APBB2: variants seen among roughly 807,000 people sequenced by gnomAD.
APBB2 encodes the protein Fe65-like 1.
APBB2 carries 38 observed loss-of-function variants against 82.5 expected under a neutral mutation model. The observed-to-expected ratio is 0.46, with a 90% confidence interval of 0.36 to 0.60. APBB2 has a LOEUF of 0.60. Ranked by LOEUF, APBB2 falls within the 20% of genes least tolerant of loss-of-function variation. The probability of loss-of-function intolerance (pLI) is 0.00; values close to 1 mark genes in which losing one functional copy is unlikely to be tolerated. For synonymous variants in APBB2, 341 were observed against 368.2 expected, an observed-to-expected ratio of 0.93 and a Z score of 0.85; for missense variants, 772 against 972.3, an observed-to-expected ratio of 0.79 and a Z score of 2.74.
At chr4:40,958,410 T>C (rs1792234977) in intron 6 of APBB2, among the ~76,000 whole-genome samples, 1 of 152,304 alleles carries the variant, frequency 6.6e-6, no homozygotes, top group Non-Finnish European at 1.5e-5. Context: ...TGAGTGAAGA[T>C]TTGTATTTTA....
chr4:41,080,718 T>TA (rs1036027002), intron 3 of APBB2, among the ~76,000 whole-genome samples: 3 of 149,084 alleles, frequency 2.0e-5, no homozygotes, highest in African/African-American at 5.0e-5. Flanking sequence ...TTTTTTTTTT[T>TA]AAAGATGTTG....
At chr4:41,149,300 T>A (rs577926696) in intron 1 of APBB2, among the ~76,000 whole-genome samples, 1 of 152,276 alleles carries the variant, frequency 6.6e-6, no homozygotes, top group East Asian at 1.9e-4. Flanking sequence ...AATTAAATTA[T>A]TTTAGAAACT....
intron 6 of APBB2, among the ~76,000 whole-genome samples, chr4:40,950,238 G>A (rs1789724535): frequency 1.3e-5 from 2 of 152,208 alleles, no homozygotes; most frequent in South Asian, 2.1e-4. Context: ...ACTACTGCTC[G>A]TAGAAGGGTA....
At chr4:41,010,809 T>G (rs999625270) in intron 6 of APBB2, among the ~76,000 whole-genome samples, 1 of 152,238 alleles carries the variant, frequency 6.6e-6, no homozygotes, top group Non-Finnish European at 1.5e-5. Flanking sequence ...TAAAACAATC[T>G]AATTGGAGTA....
At chr4:41,061,838 A>G (rs1173198678) in intron 4 of APBB2, among the ~76,000 whole-genome samples, 1 of 152,270 alleles carries the variant, frequency 6.6e-6, no homozygotes, top group Non-Finnish European at 1.5e-5. Flanking sequence ...AAGAAAATTA[A>G]AACTCCAGTC....
chr4:41,150,787 C>A (rs1230594694), intron 1 of APBB2, among the ~76,000 whole-genome samples: 1 of 152,196 alleles, frequency 6.6e-6, no homozygotes, highest in East Asian at 1.9e-4. Flanking sequence ...GTTGTCCAGG[C>A]TGGAGTGCAA....
At chr4:40,852,176 C>T (rs941722410) in intron 12 of APBB2, among the ~76,000 whole-genome samples, 5 of 151,376 alleles carry the variant, frequency 3.3e-5, no homozygotes, top group African/African-American at 9.7e-5. Context: ...ATAGTGAAAC[C>T]CCGTCTCTAC....
chr4:41,160,007 A>G (rs1223628183), intron 1 of APBB2, among the ~76,000 whole-genome samples: 2 of 150,226 alleles, frequency 1.3e-5, no homozygotes, highest in Non-Finnish European at 3.0e-5. Flanking sequence ...AAGAAGAAGA[A>G]GAAGAAGAAG....
chr4:41,169,034 A>C (rs1767507443), intron 1 of APBB2, among the ~76,000 whole-genome samples: 1 of 151,948 alleles, frequency 6.6e-6, no homozygotes, highest in African/African-American at 2.4e-5. Flanking sequence ...AAAATACAAA[A>C]ATTAGCTGGG....
intron 1 of APBB2, among the ~76,000 whole-genome samples, chr4:41,165,972 C>A (rs1005567494): frequency 2.7e-5 from 4 of 150,018 alleles, no homozygotes; most frequent in African/African-American, 9.8e-5. Context: ...CTCCCGGGTT[C>A]ACGCCATTCT....
At chr4:41,032,516 TTCTG>T (rs1455827949) in intron 5 of APBB2, among the ~76,000 whole-genome samples, 2 of 150,606 alleles carry the variant, frequency 1.3e-5, no homozygotes, top group African/African-American at 4.9e-5. Context: ...CGGGGGGGGT[TTCTG>T]TCTAAGCAAA....
At position 40,810,634 on chromosome 4, in the gene APBB2, TA is replaced by T. The variant is rs1249672503; in HGVS notation, c.*5457del. On this transcript the variant is annotated 3_prime_UTR_variant, in exon 18 of 18. Transcript: ENST00000508593. The stretch of plus-strand genomic sequence containing the variant: ...TGAAGAAAGGAAACAAGACTTTTTA[TA>T]GTTGAACCAGGCTTATTGTATTTTA... The T allele has an allele frequency of 1.3e-5, 2 of 149,976 alleles. No individual in the cohort carries two copies. The highest frequency in any genetic ancestry group is 4.9e-5 in the African/African-American group (2 of 40,666). The allele number at this position is 149,976 out of a possible 1,614,324, so 9.3% of individuals were successfully genotyped here. A position where few individuals can be genotyped will look rare whatever the true frequency, so the allele number is the denominator to read the frequency against.
At chr4:41,202,499 G>A (rs933911369) in intron 1 of APBB2, among the ~76,000 whole-genome samples, 18 of 152,054 alleles carry the variant, frequency 1.2e-4, no homozygotes, top group Admixed American at 5.2e-4. Context: ...GGATGCTTGG[G>A]AAGGAGGAAG....
At chr4:41,059,173 A>T (rs181294224) in intron 4 of APBB2, among the ~76,000 whole-genome samples, 3 of 152,274 alleles carry the variant, frequency 2.0e-5, no homozygotes, top group Non-Finnish European at 4.4e-5. Context: ...GAAAACAATA[A>T]CATTAGGCTG....
At chr4:41,009,488 G>GT (rs1462103749) in intron 6 of APBB2, among the ~76,000 whole-genome samples, 1 of 152,174 alleles carries the variant, frequency 6.6e-6, no homozygotes, top group Non-Finnish European at 1.5e-5. Context: ...GGGCGATTCA[G>GT]TAGTAAAGGA....
At chr4:41,199,157 G>T (rs989172917) in intron 1 of APBB2, among the ~76,000 whole-genome samples, 13 of 100,924 alleles carry the variant, frequency 1.3e-4, no homozygotes, top group African/African-American at 5.9e-4. Flanking sequence ...TTATATTTTT[G>T]GGGGGGACAC....
chr4:41,182,309 T>C (rs1305220085), intron 1 of APBB2, among the ~76,000 whole-genome samples: 10 of 152,222 alleles, frequency 6.6e-5, no homozygotes, highest in Non-Finnish European at 1.3e-4. Flanking sequence ...AATGGTCAAT[T>C]TGAACCTTCA....
intron 12 of APBB2, among the ~76,000 whole-genome samples, chr4:40,872,959 G>A (rs1170397213): frequency 2.6e-5 from 4 of 151,658 alleles, no homozygotes; most frequent in Admixed American, 6.6e-5. Context: ...GTGGTGTTGC[G>A]TGCCTGTAAT....
At chr4:40,974,759 T>C (rs1337765737) in intron 6 of APBB2, among the ~76,000 whole-genome samples, 2 of 152,246 alleles carry the variant, frequency 1.3e-5, no homozygotes, top group Non-Finnish European at 2.9e-5. Flanking sequence ...ACATAAATTC[T>C]GAGAATACAC....
Sources: allele counts gnomAD v4.1 joint callset (sites outside exome capture counted in the v4.1 genomes callset), GRCh38; gene constraint gnomAD v4.1.1; transcripts MANE v1.5; gene names NCBI Gene and HGNC (gene_info 2026-07-23, HGNC 2026-07-21).